Variants in PTCH1 observed in about 807,000 individuals in gnomAD.
The protein encoded by PTCH1 is protein patched homolog 1.
PTCH1 carries 14 observed loss-of-function variants against 144.6 expected under a neutral mutation model. The observed-to-expected ratio is 0.10, with a 90% CI of 0.06 to 0.15. The LOEUF (loss-of-function observed/expected upper bound fraction) is 0.15, where lower values mean the gene tolerates loss of function less well. PTCH1 is among the 10% of genes least tolerant of loss of function. PTCH1 has a pLI of 1.00. For synonymous variants in PTCH1, 833 were observed against 793.6 expected, an observed-to-expected ratio of 1.05 and a Z score of -0.83; for missense variants, 1,623 against 1,948.3, an observed-to-expected ratio of 0.83 and a Z score of 3.14.
At chr9:95,493,297 G>A (rs1365994388) in intron 2 of PTCH1, among the ~76,000 whole-genome samples, 1 of 152,194 alleles carries the variant, frequency 6.6e-6, no homozygotes, top group Non-Finnish European at 1.5e-5. Flanking sequence ...TTTAGCAAAA[G>A]CTTATTGTGA....
chr9:95,483,005 A>G (rs145141184), intron 3 of PTCH1: 84 of 152,276 alleles, frequency 5.5e-4, no homozygotes, highest in African/African-American at 1.7e-3. Flanking sequence ...AGCTATACAG[A>G]CAAGAAAATT....
At chr9:95,473,011 G>A (rs925320437) in intron 12 of PTCH1, among the ~76,000 whole-genome samples, 12 of 152,326 alleles carry the variant, frequency 7.9e-5, no homozygotes, top group African/African-American at 2.9e-4. Flanking sequence ...TGGGACACAT[G>A]CAGAGGAGGT....
intron 15 of PTCH1, among the ~76,000 whole-genome samples, chr9:95,465,528 G>T (rs16909892): frequency 0.12 from 18,243 of 152,122 alleles, 1,212 homozygotes; most frequent in African/African-American, 0.17. Context: ...CATGTTCTCT[G>T]TACCTTCCTC....
rs771991404 is a variant in PTCH1, at chr9:95,476,019, T to A, written c.1728+15A>T. 6.2e-7 allele frequency: 1 copy of A among 1,613,340 alleles called. No homozygotes were observed. Among genetic ancestry groups the A allele is most frequent in the African/African-American group, 1.3e-5 (1 of 75,014 alleles). On this transcript the variant is annotated intron_variant, in intron 12 of 23. Coordinates refer to ENST00000331920, the MANE Select transcript of PTCH1 (RefSeq NM_000264.5). The surrounding 1 kb of genome is among the most constrained non-coding windows in gnomAD (Gnocchi z 4.6). The stretch of plus-strand genomic sequence containing the variant: ...CCGTTCAGGATCACCACAGCCTTCA[T>A]CACCAGAAGCTCACCTGGAGGGAGA...
chr9:95,506,374 C>G (rs756245178), intron 2 of PTCH1, 33 bp downstream of exon 2: 1 of 1,603,938 alleles, frequency 6.2e-7, no homozygotes, highest in African/African-American at 1.3e-5. Context: ...GGGACCGGGC[C>G]GGGGGCGCGG....
At chr9:95,447,565 C>A (rs1838073740) in intron 22 of PTCH1, 114 bp from the exon 23 acceptor site, 15 of 1,096,074 alleles carry the variant, frequency 1.4e-5, no homozygotes, top group Non-Finnish European at 1.9e-5. Flanking sequence ...CCCTGGGGAG[C>A]CAATGGGGGC....
At chr9:95,467,663 G>T (rs1840140341) in intron 14 of PTCH1, among the ~76,000 whole-genome samples, 1 of 152,170 alleles carries the variant, frequency 6.6e-6, no homozygotes, top group South Asian at 2.1e-4. Context: ...GAGTGCAGTG[G>T]TGCCATCTCG....
intron 1 of PTCH1, among the ~76,000 whole-genome samples, chr9:95,514,687 T>C (rs1420954125): frequency 6.6e-6 from 1 of 152,022 alleles, no homozygotes; most frequent in Non-Finnish European, 1.5e-5. Context: ...GGGAGACATA[T>C]TTTAATCCAC....
chr9:95,507,902 G>A (rs1012432204), intron 1 of PTCH1: 7 of 1,288,406 alleles, frequency 5.4e-6, no homozygotes, highest in Middle Eastern at 3.0e-4. Context: ...GAGGGCGTGT[G>A]TATACACACA....
rs777731495 is a variant in PTCH1 at position 95,447,171 on chromosome 9, G to T, written c.4085C>A (p.Pro1362His). The T allele has an allele frequency of 6.2e-7, 1 of 1,613,096 alleles. No individual in the cohort carries two copies. Among genetic ancestry groups the T allele is most frequent in the Middle Eastern group, 1.6e-4 (1 of 6,062 alleles). ...AGTGGTGATGGGCTGGCAGTAGCCG[G>T]GCACGGAGCTGCCCATGGCAGTGGA... is the stretch of plus-strand genomic sequence containing the variant. ...PASTAMGSSV[P>H]GYCQPITTVT... Residue 1362 changes from proline to histidine, a missense_variant, in exon 23 of 24, where the codon CCC becomes CAC. By Grantham distance (77) the Pro-to-His change is moderately conservative (BLOSUM62 -2). Coordinates refer to ENST00000331920, the MANE Select transcript of PTCH1 (RefSeq NM_000264.5).
intron 3 of PTCH1, chr9:95,483,692 A>G (rs17369383): frequency 0.24 from 36,617 of 152,082 alleles, 4,678 homozygotes; most frequent in African/African-American, 0.29. Flanking sequence ...GTCCATGTCT[A>G]TCTATACTGA....
intron 2 of PTCH1, among the ~76,000 whole-genome samples, chr9:95,505,348 TGTAAG>T (rs1373313016): frequency 1.3e-5 from 2 of 152,130 alleles, no homozygotes; most frequent in African/African-American, 2.4e-5. Context: ...ACTACCCTCT[TGTAAG>T]GTAAGGGATG....
chr9:95,506,246 C>G (rs1843618310), intron 2 of PTCH1, 161 bp downstream of exon 2: 2 of 839,206 alleles, frequency 2.4e-6, no homozygotes, highest in East Asian at 2.8e-5. Flanking sequence ...TCGGGCGGGC[C>G]TGGCTCCCGG....
chr9:95,460,141 T>C (rs780353906), intron 16 of PTCH1, among the ~76,000 whole-genome samples: 1 of 152,212 alleles, frequency 6.6e-6, no homozygotes, highest in Non-Finnish European at 1.5e-5. Flanking sequence ...AGAATCCCCA[T>C]GCACGTCTGT....
chr9:95,472,385 C>A (rs1840664023), intron 12 of PTCH1, among the ~76,000 whole-genome samples: 2 of 152,158 alleles, frequency 1.3e-5, no homozygotes, highest in Non-Finnish European at 2.9e-5. Context: ...GAGATCTGGT[C>A]CCTTACTGAG....
At chr9:95,494,046 C>T (rs114617085) in intron 2 of PTCH1, among the ~76,000 whole-genome samples, 2,473 of 152,292 alleles carry the variant, frequency 0.016, 75 homozygotes, top group African/African-American at 0.056. Flanking sequence ...CAAAGCATAA[C>T]GAGAAAAGGA....
intron 20 of PTCH1, chr9:95,451,115 A>G (rs1466125022): frequency 6.6e-6 from 1 of 152,216 alleles, no homozygotes; most frequent in African/African-American, 2.4e-5. Context: ...AGGAGAGAGA[A>G]TCCCCATAAA....
chr9:95,454,756 C>T (rs890115511), intron 19 of PTCH1, among the ~76,000 whole-genome samples: 3 of 152,264 alleles, frequency 2.0e-5, no homozygotes, highest in African/African-American at 7.2e-5. Flanking sequence ...GACTCTTCTT[C>T]ACAGCCTTAT....
intron 1 of PTCH1, among the ~76,000 whole-genome samples, chr9:95,516,301 C>T (rs1327433019): frequency 2.0e-5 from 3 of 146,452 alleles, no homozygotes; most frequent in Non-Finnish European, 4.6e-5. Flanking sequence ...CGCAGCCCAC[C>T]CGGCTCCACG....
Sources: gnomAD v4.1 joint callset for allele counts (sites outside exome capture counted in the v4.1 genomes callset) on GRCh38, gnomAD v4.1.1 for gene constraint, Gnocchi (gnomAD v3.1) non-coding constraint, MANE v1.5 for transcripts, NCBI Gene and HGNC (gene_info 2026-07-23, HGNC 2026-07-21) for gene names.